SLC28A3: variants seen among roughly 807,000 people sequenced by gnomAD.
SLC28A3 encodes concentrative Na(+)-nucleoside cotransporter 3.
In SLC28A3, 68 loss-of-function variants were observed where a neutral mutation model predicts 84.2. The ratio of observed to expected loss-of-function variants is 0.81; its 90% confidence interval spans 0.66 to 0.99. The LOEUF is 0.99. Among genes scored for constraint, SLC28A3 ranks in the 50% least tolerant of loss-of-function variants. The probability of loss-of-function intolerance (pLI) is 0.00; values close to 1 mark genes in which losing one functional copy is unlikely to be tolerated. For synonymous variants in SLC28A3, 267 were observed against 303.6 expected (o/e 0.88, Z 1.25); for missense variants, 712 against 841.5 (o/e 0.85, Z 1.90).
intron 11 of SLC28A3, among the ~76,000 whole-genome samples, chr9:84,289,733 G>T (rs1247040011): frequency 5.9e-5 from 9 of 152,226 alleles, no homozygotes; most frequent in African/African-American, 2.2e-4. Flanking sequence ...CATGAAAGCT[G>T]CCAGAGACAA....
At chr9:84,339,208 GTTTCT>G (rs1279895265) in intron 1 of SLC28A3, among the ~76,000 whole-genome samples, 1 of 151,758 alleles carries the variant, frequency 6.6e-6, no homozygotes, top group Admixed American at 6.6e-5. Flanking sequence ...AGGTTTTTCC[GTTTCT>G]TTTATGTGAG....
upstream of SLC28A3, among the ~76,000 whole-genome samples, chr9:84,345,592 G>A (rs1387483046): frequency 2.6e-5 from 4 of 152,148 alleles, no homozygotes; most frequent in East Asian, 5.8e-4. Context: ...AACAACATTT[G>A]GGGGAGCATA....
At position 84,290,295 on chromosome 9, in the gene SLC28A3, G is replaced by T; in HGVS notation, c.1024-16C>A. On this transcript the variant is annotated splice_polypyrimidine_tract_variant and intron_variant, in intron 10 of 17. Coordinates refer to ENST00000376238, the MANE Select transcript of SLC28A3 (RefSeq NM_001199633.2). The stretch of plus-strand genomic sequence containing the variant: ...GAGACTCCGTCTGGAGACAAAGAAG[G>T]GTGACCAGATTCCTTTTTAAATCTG... The T allele has an allele frequency of 1.9e-6, 3 of 1,613,050 alleles. No homozygotes were observed. The South Asian group carries it at 3.3e-5, about 18-fold the overall frequency.
chr9:84,319,739 A>C (rs1318001549), intron 1 of SLC28A3, among the ~76,000 whole-genome samples: 1 of 152,112 alleles, frequency 6.6e-6, no homozygotes, highest in Non-Finnish European at 1.5e-5. Context: ...GAGTAGAGAA[A>C]GACACTGCCA....
intron 8 of SLC28A3, among the ~76,000 whole-genome samples, chr9:84,295,552 C>T (rs1825382334): frequency 6.6e-6 from 1 of 152,116 alleles, no homozygotes; most frequent in African/African-American, 2.4e-5. Context: ...CATTGCACTC[C>T]AGCCTGGATG....
chr9:84,317,829 C>T (rs996228313), intron 1 of SLC28A3, among the ~76,000 whole-genome samples: 1 of 152,148 alleles, frequency 6.6e-6, no homozygotes, highest in African/African-American at 2.4e-5. Flanking sequence ...GTTTGCTTCT[C>T]GCTTGTTCTG....
chr9:84,356,596 C>A, the SLC28A3 span, among the ~76,000 whole-genome samples: 11 of 152,236 alleles, frequency 7.2e-5, no homozygotes, highest in Non-Finnish European at 1.5e-4. Flanking sequence ...CTTTGGGAGG[C>A]CAAGGCAGGT....
intron 8 of SLC28A3, among the ~76,000 whole-genome samples, chr9:84,296,865 G>A (rs1825433630): frequency 6.6e-6 from 1 of 152,240 alleles, no homozygotes; most frequent in Non-Finnish European, 1.5e-5. Context: ...ACTGCCACAT[G>A]CCTACTTGTT....
intron 15 of SLC28A3, 147 bp downstream of exon 15, chr9:84,280,654 G>T: frequency 1.3e-6 from 1 of 749,452 alleles, no homozygotes; most frequent in Non-Finnish European, 2.2e-6. Flanking sequence ...CTATATTGCA[G>T]ACTAGAGATT....
the SLC28A3 span, among the ~76,000 whole-genome samples, chr9:84,351,484 C>T: frequency 6.6e-6 from 1 of 151,950 alleles, no homozygotes; most frequent in Non-Finnish European, 1.5e-5. Context: ...CATGGTAAAA[C>T]CCCAAATCTT....
At chr9:84,309,505 A>AG (rs1825910781) in intron 3 of SLC28A3, 124 bp downstream of exon 3, 2 of 709,444 alleles carry the variant, frequency 2.8e-6, no homozygotes, top group Non-Finnish European at 2.2e-6. Flanking sequence ...CCTGGGTGAC[A>AG]AAGTGAGACT....
the SLC28A3 span, among the ~76,000 whole-genome samples, chr9:84,361,530 C>T: frequency 2.0e-5 from 3 of 152,104 alleles, no homozygotes; most frequent in Non-Finnish European, 1.5e-5. Context: ...TCTGTGCTCC[C>T]TCGTGCCTCC....
At position 84,277,518 on chromosome 9, in the gene SLC28A3, C is replaced by T. The variant is rs1824567882; in HGVS notation, c.*700G>A. 6.6e-6 allele frequency: 1 copy of T among 152,238 alleles called. No homozygotes were observed. The highest frequency in any genetic ancestry group is 1.5e-5 in the Non-Finnish European group (1 of 68,058). The allele number at this position is 152,238 out of a possible 1,614,324, so 9.4% of individuals were successfully genotyped here. On this transcript the variant is annotated 3_prime_UTR_variant, in exon 18 of 18. Transcript: ENST00000376238. ...GTGCTGAAGCAATATGGATTACAAC[C>T]AAGATGGATCATTACAAACATGTGA...
At chr9:84,353,673 C>G in the SLC28A3 span, among the ~76,000 whole-genome samples, 1 of 152,070 alleles carries the variant, frequency 6.6e-6, no homozygotes, top group East Asian at 1.9e-4. Flanking sequence ...CTGAGCCACT[C>G]TACTCCAGCC....
chr9:84,332,209 A>G (rs1826816161), intron 1 of SLC28A3, among the ~76,000 whole-genome samples: 1 of 152,218 alleles, frequency 6.6e-6, no homozygotes, highest in African/African-American at 2.4e-5. Context: ...ACATTGTCAT[A>G]ATGAAGTGAT....
At chr9:84,317,426 A>G (rs1444341764) in intron 1 of SLC28A3, among the ~76,000 whole-genome samples, 2 of 152,156 alleles carry the variant, frequency 1.3e-5, no homozygotes, top group Non-Finnish European at 2.9e-5. Context: ...CCTGCCCTGT[A>G]CGCTGGTTTT....
At chr9:84,280,913 AC>A (rs1172955085) in intron 14 of SLC28A3, 31 bp from the exon 15 acceptor site, 1 of 1,605,044 alleles carries the variant, frequency 6.2e-7, no homozygotes, top group Non-Finnish European at 8.5e-7. Flanking sequence ...ATATGTATAC[AC>A]AATCTGAGCT....
At chr9:84,305,144 C>T in intron 4 of SLC28A3, 110 bp downstream of exon 4, 2 of 904,172 alleles carry the variant, frequency 2.2e-6, no homozygotes, top group Non-Finnish European at 3.4e-6. Context: ...AGTGAGGTCC[C>T]AGAGAAAATA....
In SLC28A3 at chr9:84,287,960, G is replaced by A. The variant is rs1005488299; in HGVS notation, c.1280+88C>T. 36 of 1,536,356 alleles carry A rather than the reference G, an allele frequency of 2.3e-5. No individual in the cohort carries two copies. In the African/African-American group the frequency reaches 3.7e-4, roughly 16 times the overall value. On this transcript the variant is annotated intron_variant, in intron 12 of 17. Transcript: ENST00000376238. Reference sequence around the variant, plus strand: ...AATATTGTAATTCACTGTGCTTTCCGGTTATCAAATTTTTGCTGTACATTG... The same window carrying A: ...AATATTGTAATTCACTGTGCTTTCCAGTTATCAAATTTTTGCTGTACATTG...
Sources: allele counts gnomAD v4.1 joint callset (sites outside exome capture counted in the v4.1 genomes callset), GRCh38; gene constraint gnomAD v4.1.1; transcripts MANE v1.5; gene names NCBI Gene and HGNC (gene_info 2026-07-23, HGNC 2026-07-21).